Variants in TLE4 observed in about 807,000 individuals in gnomAD.
The protein encoded by TLE4 is TLE family member 4, transcriptional corepressor.
A neutral mutation model predicts 92.8 loss-of-function variants in TLE4; 8 were observed. The observed-to-expected ratio is 0.09, with a 90% confidence interval of 0.05 to 0.16. The LOEUF is 0.16. Among genes scored for constraint, TLE4 ranks in the 10% least tolerant of loss-of-function variants. The pLI is 1.00. For missense variants in TLE4, 675 were observed against 997.6 expected (o/e 0.68, Z 4.36); for synonymous variants, 371 against 374.1 (o/e 0.99, Z 0.10).
chr9:79,578,706 T>A (rs1564099042), intron 4 of TLE4, among the ~76,000 whole-genome samples: 1 of 152,232 alleles, frequency 6.6e-6, no homozygotes, highest in Non-Finnish European at 1.5e-5. Context: ...GTACATTTAG[T>A]AAATTGGATT....
chr9:79,666,842 T>C (rs2061483780), intron 8 of TLE4, among the ~76,000 whole-genome samples: 1 of 147,012 alleles, frequency 6.8e-6, no homozygotes, highest in South Asian at 2.1e-4. Flanking sequence ...CTGTACCTGA[T>C]ACTTAACCTG....
intron 6 of TLE4, among the ~76,000 whole-genome samples, chr9:79,638,165 A>G (rs553792844): frequency 6.6e-6 from 1 of 152,124 alleles, no homozygotes; most frequent in Non-Finnish European, 1.5e-5. Flanking sequence ...GGCAGGGGAC[A>G]TGACTGGTGG....
chr9:79,640,637 G>C (rs1269408128), intron 6 of TLE4, among the ~76,000 whole-genome samples: 1 of 151,892 alleles, frequency 6.6e-6, no homozygotes, highest in Non-Finnish European at 1.5e-5. Context: ...CCATAACCAG[G>C]TCTTTCTAGT....
chr9:79,641,905 AC>A (rs1351399358), intron 6 of TLE4, among the ~76,000 whole-genome samples: 1 of 150,432 alleles, frequency 6.6e-6, no homozygotes, highest in Non-Finnish European at 1.5e-5. Context: ...AGCTCAAGAG[AC>A]TCATGAGTGT....
At chr9:79,692,705 T>G (rs2067332823) in intron 8 of TLE4, among the ~76,000 whole-genome samples, 1 of 152,160 alleles carries the variant, frequency 6.6e-6, no homozygotes, top group Admixed American at 6.5e-5. Flanking sequence ...TCATAGATGA[T>G]GCCTTCTTGC....
At position 79,592,118 on chromosome 9, in the gene TLE4, TTTCTTCTTTC is replaced by T. The variant is rs529012131; in HGVS notation, c.252+15957_252+15966del. On this transcript the variant is annotated intron_variant, in intron 4 of 19. Coordinates refer to ENST00000376552, the MANE Select transcript of TLE4 (RefSeq NM_007005.6). ...TTCTTCTTCTTCTTCTTCTTTCTTC[TTTCTTCTTTC>T]TTCTTCTTTCTTCTTTCTTCTTTCT... is the stretch of plus-strand genomic sequence containing the variant. 5.5e-3 allele frequency among the ~76,000 whole-genome samples: 837 copies of T among 151,790 alleles called. 7 individuals are homozygous for T. Among genetic ancestry groups the T allele is most frequent in the African/African-American group, 0.019 (774 of 41,296 alleles).
At chr9:79,638,195 C>G (rs2056382066) in intron 6 of TLE4, among the ~76,000 whole-genome samples, 1 of 152,008 alleles carries the variant, frequency 6.6e-6, no homozygotes, top group Admixed American at 6.6e-5. Context: ...TAAAGGGGCC[C>G]CCACCAGGCC....
At chr9:79,573,129 G>T (rs1044319244) in intron 1 of TLE4, 16 of 658,456 alleles carry the variant, frequency 2.4e-5, no homozygotes, top group East Asian at 1.4e-4. Context: ...TCGAGGGGGG[G>T]TGGCGAGCGA....
In TLE4 at chr9:79,590,318, A is replaced by G. The variant is rs192239836; in HGVS notation, c.252+14141A>G. Among the ~76,000 whole-genome samples, 755 of 152,294 alleles carry G rather than the reference A, an allele frequency of 5.0e-3. 2 individuals carry two copies. The highest frequency in any genetic ancestry group is 0.014 in the Middle Eastern group (4 of 294). On this transcript the variant is annotated intron_variant, in intron 4 of 19. Coordinates refer to ENST00000376552, the MANE Select transcript of TLE4 (RefSeq NM_007005.6). The stretch of plus-strand genomic sequence containing the variant: ...AAGAAATTGTGTCCCCAAAATTCCA[A>G]TGTGTGCTTCTTAAGCTTCCACTCT...
At chr9:79,707,242 T>C in intron 11 of TLE4, 2 of 1,589,388 alleles carry the variant, frequency 1.3e-6, no homozygotes, top group Non-Finnish European at 1.7e-6. Flanking sequence ...GGGGCTTGAA[T>C]GTGATTTTGT....
rs551941591 is a variant in TLE4, at chr9:79,589,081, G to A, written c.252+12904G>A. On this transcript the variant is annotated intron_variant, in intron 4 of 19. Transcript: ENST00000376552. ...GCTGAACATCTGCATGTACAGGACA[G>A]CCCTCTACAACAAAGACTTAGCTGG... 3.9e-5 allele frequency among the ~76,000 whole-genome samples: 6 copies of A among 152,292 alleles called. No individual in the cohort carries two copies. In the East Asian group the frequency reaches 1.2e-3, roughly 29 times the overall value.
At chr9:79,620,940 AG>A (rs2050807151) in intron 5 of TLE4, among the ~76,000 whole-genome samples, 1 of 152,124 alleles carries the variant, frequency 6.6e-6, no homozygotes, top group Admixed American at 6.5e-5. Context: ...AGATATTGTG[AG>A]AACTCACTCT....
In TLE4 at chr9:79,627,427, A is replaced by G; in HGVS notation, c.369A>G (p.Ala123=). ...AACGGGCCAAGCAGGTGACCATGGCAGAACTGAACGCCATCATTGGGGTAC... is the reference window on the plus strand; with the variant it reads ...AACGGGCCAAGCAGGTGACCATGGCGGAACTGAACGCCATCATTGGGGTAC... ...AVERAKQVTM[A]ELNAIIGQQL... is the part of the protein sequence containing the mutation. The change falls in exon 6 of 20, where the codon GCA becomes GCG. Residue 123 remains alanine (A), a synonymous_variant. Coordinates refer to ENST00000376552, the MANE Select transcript of TLE4 (RefSeq NM_007005.6). 6.2e-7 allele frequency: 1 copy of G among 1,614,216 alleles called. No homozygotes were observed. The highest frequency in any genetic ancestry group is 1.7e-5 in the Admixed American group (1 of 60,030).
chr9:79,658,722 T>C (rs2134376815), intron 8 of TLE4, among the ~76,000 whole-genome samples: 1 of 152,340 alleles, frequency 6.6e-6, no homozygotes, highest in African/African-American at 2.4e-5. Flanking sequence ...TTTTACCGTT[T>C]GGGAGATAAC....
At chr9:79,713,897 T>G (rs2073939230) in intron 14 of TLE4, among the ~76,000 whole-genome samples, 2 of 152,064 alleles carry the variant, frequency 1.3e-5, no homozygotes, top group African/African-American at 4.8e-5. Context: ...AGAGTCTCGG[T>G]CTGTCACCCA....
At chr9:79,677,143 C>A (rs1160761502) in intron 8 of TLE4, among the ~76,000 whole-genome samples, 1 of 152,096 alleles carries the variant, frequency 6.6e-6, no homozygotes, top group Non-Finnish European at 1.5e-5. Flanking sequence ...GCAATAATAT[C>A]TATCTTATTG....
chr9:79,692,242 G>A (rs576672811), intron 8 of TLE4, among the ~76,000 whole-genome samples: 1 of 152,344 alleles, frequency 6.6e-6, no homozygotes, highest in African/African-American at 2.4e-5. Flanking sequence ...TGGAGGAAGA[G>A]CGCGACTTCT....
At chr9:79,718,177 A>T (rs2074941723) in intron 14 of TLE4, 2 of 411,736 alleles carry the variant, frequency 4.9e-6, no homozygotes, top group African/African-American at 2.1e-5. Flanking sequence ...ATAGGGCTTT[A>T]TCTTTTTTTT....
chr9:79,631,716 T>C (rs940436888), intron 6 of TLE4, among the ~76,000 whole-genome samples: 3 of 150,764 alleles, frequency 2.0e-5, no homozygotes, highest in Non-Finnish European at 4.4e-5. Flanking sequence ...TGTTTAAAAA[T>C]GTATGTCTCT....
Sources: gnomAD v4.1 joint callset for allele counts (sites outside exome capture counted in the v4.1 genomes callset) on GRCh38, gnomAD v4.1.1 for gene constraint, MANE v1.5 for transcripts, NCBI Gene and HGNC (gene_info 2026-07-23, HGNC 2026-07-21) for gene names.